STPG4: variants seen among roughly 807,000 people sequenced by gnomAD.
The protein encoded by STPG4 is protein STPG4.
STPG4 carries 41 observed loss-of-function variants against 31.5 expected under a neutral mutation model. That is an observed-to-expected ratio of 1.30 (90% CI 1.01 to 1.69). STPG4 has a LOEUF of 1.69. STPG4 is among the 40% of genes most tolerant of loss of function. The pLI is 0.00. For synonymous variants in STPG4, 141 were observed against 103.0 expected (o/e 1.37, Z -2.24); for missense variants, 375 against 293.4 (o/e 1.28, Z -2.03).
intron 5 of STPG4, among the ~76,000 whole-genome samples, chr2:47,112,597 T>C (rs948946388): frequency 3.9e-5 from 6 of 152,190 alleles, no homozygotes; most frequent in African/African-American, 1.2e-4. Context: ...CTCAAAAGTA[T>C]TTGAAGAGAC....
intron 1 of STPG4, 59 bp from the exon 2 acceptor site, chr2:47,153,075 A>G: frequency 1.6e-6 from 2 of 1,282,470 alleles, no homozygotes; most frequent in Non-Finnish European, 2.2e-6. Context: ...GAAATTAAAT[A>G]TAATTTATAA....
intron 5 of STPG4, among the ~76,000 whole-genome samples, chr2:47,116,821 T>A (rs368006235): frequency 2.0e-5 from 3 of 152,310 alleles, no homozygotes; most frequent in South Asian, 4.1e-4. Flanking sequence ...ACAAAACATT[T>A]CTCAACAGTT....
intron 5 of STPG4, among the ~76,000 whole-genome samples, chr2:47,102,411 G>A (rs1006496544): frequency 6.6e-5 from 10 of 151,738 alleles, no homozygotes; most frequent in South Asian, 2.1e-4. Flanking sequence ...TCTGCACTAC[G>A]GCTTGGCCCC....
At chr2:47,107,092 G>A (rs1253812395) in intron 5 of STPG4, among the ~76,000 whole-genome samples, 2 of 151,958 alleles carry the variant, frequency 1.3e-5, no homozygotes, top group Non-Finnish European at 2.9e-5. Context: ...TGTTTAGAGG[G>A]GGGATTGAGA....
intron 2 of STPG4, 40 bp from the exon 3 acceptor site, chr2:47,151,555 T>C (rs777185025): frequency 1.8e-5 from 28 of 1,577,042 alleles, no homozygotes; most frequent in South Asian, 9.2e-5. Flanking sequence ...TGTGTAAACA[T>C]GTAACTTCTC....
chr2:47,093,089 C>A (rs1016370371), intron 5 of STPG4, among the ~76,000 whole-genome samples: 4 of 152,214 alleles, frequency 2.6e-5, no homozygotes, highest in African/African-American at 9.6e-5. Context: ...CCGCACCCGG[C>A]CCTTCCACAG....
chr2:47,108,268 T>G (rs1361575068), intron 5 of STPG4: 1 of 151,732 alleles, frequency 6.6e-6, no homozygotes, highest in African/African-American at 2.4e-5. Context: ...GAGCCAGCAG[T>G]GGCAACCCAC....
At chr2:47,097,297 T>TA (rs1290109510) in intron 5 of STPG4, among the ~76,000 whole-genome samples, 1 of 152,130 alleles carries the variant, frequency 6.6e-6, no homozygotes, top group Non-Finnish European at 1.5e-5. Context: ...AAACTTACTT[T>TA]AAAAAAATCA....
At chr2:47,150,239 G>A (rs1207110650) in intron 3 of STPG4, among the ~76,000 whole-genome samples, 3 of 152,184 alleles carry the variant, frequency 2.0e-5, no homozygotes, top group East Asian at 1.9e-4. Context: ...CGTAAGCCAC[G>A]GAGCTTTCCA....
chr2:47,111,477 G>C (rs370455005), intron 5 of STPG4, among the ~76,000 whole-genome samples: 1 of 152,170 alleles, frequency 6.6e-6, no homozygotes, highest in African/African-American at 2.4e-5. Flanking sequence ...GAAGGGAGGA[G>C]AAACTACAAA....
At chr2:47,108,796 C>T (rs1412161457) in intron 5 of STPG4, 1 of 152,308 alleles carries the variant, frequency 6.6e-6, no homozygotes, top group Non-Finnish European at 1.5e-5. Flanking sequence ...AGAGGATCCC[C>T]TGTTCCTGAT....
intron 5 of STPG4, among the ~76,000 whole-genome samples, chr2:47,128,448 G>A (rs1275977633): frequency 2.0e-5 from 3 of 152,162 alleles, no homozygotes; most frequent in Non-Finnish European, 4.4e-5. Context: ...GCCAGGGCCT[G>A]GAGTCAGGAA....
chr2:47,120,416 C>T (rs1226216074), intron 5 of STPG4, among the ~76,000 whole-genome samples: 1 of 151,844 alleles, frequency 6.6e-6, no homozygotes, highest in African/African-American at 2.4e-5. Context: ...TTTCCAGGTC[C>T]CACCTGAAAG....
intron 5 of STPG4, among the ~76,000 whole-genome samples, chr2:47,114,341 C>T (rs1686103028): frequency 6.6e-6 from 1 of 151,708 alleles, no homozygotes; most frequent in East Asian, 2.0e-4. Context: ...CCCATCTCTA[C>T]TGAAAATACA....
chr2:47,118,831 C>T (rs55992950), intron 5 of STPG4, among the ~76,000 whole-genome samples: 20,345 of 152,122 alleles, frequency 0.13, 1,531 homozygotes, highest in African/African-American at 0.18. Flanking sequence ...AGACACTAAA[C>T]GGGTGGTAGT....
At chr2:47,107,978 G>C (rs1226086578) in intron 5 of STPG4, among the ~76,000 whole-genome samples, 1 of 150,682 alleles carries the variant, frequency 6.6e-6, no homozygotes, top group East Asian at 1.9e-4. Flanking sequence ...TCTGTATCTA[G>C]CTCAAGGTTT....
intron 5 of STPG4, among the ~76,000 whole-genome samples, chr2:47,096,588 C>G (rs899291664): frequency 6.6e-6 from 1 of 152,196 alleles, no homozygotes; most frequent in Non-Finnish European, 1.5e-5. Flanking sequence ...GAATTCTCTT[C>G]CATTCAACTT....
chr2:47,096,274 A>G (rs1457912939), intron 5 of STPG4, among the ~76,000 whole-genome samples: 1 of 152,154 alleles, frequency 6.6e-6, no homozygotes, highest in Non-Finnish European at 1.5e-5. Context: ...AGAGCACCTC[A>G]GAGAGTAAAC....
At chr2:47,112,631 A>G (rs1317094398) in intron 5 of STPG4, among the ~76,000 whole-genome samples, 3 of 152,194 alleles carry the variant, frequency 2.0e-5, no homozygotes, top group Non-Finnish European at 4.4e-5. Flanking sequence ...ATAGGTATCT[A>G]CTATATTGCA....
Sources: gnomAD v4.1 joint callset for allele counts (sites outside exome capture counted in the v4.1 genomes callset) on GRCh38, gnomAD v4.1.1 for gene constraint, MANE v1.5 for transcripts, NCBI Gene and HGNC (gene_info 2026-07-23, HGNC 2026-07-21) for gene names.